KDM2B: variants seen among roughly 807,000 people sequenced by gnomAD.
KDM2B encodes the protein lysine-specific demethylase 2B.
In KDM2B, 26 loss-of-function variants were observed where a neutral mutation model predicts 150.0. The ratio of observed to expected loss-of-function variants is 0.17; its 90% CI spans 0.13 to 0.24. The LOEUF is 0.24. KDM2B is among the 10% of genes least tolerant of loss of function. KDM2B has a pLI of 1.00. For synonymous variants in KDM2B, 734 were observed against 729.5 expected (o/e 1.01, Z -0.10); for missense variants, 1,265 against 1,816.9 (o/e 0.70, Z 5.52).
At chr12:121,524,659 G>C (rs879986758) in intron 8 of KDM2B, 2 of 450,732 alleles carry the variant, frequency 4.4e-6, no homozygotes, top group Admixed American at 2.4e-5. Flanking sequence ...AACAGCGTTT[G>C]TGGGCCCCAT....
rs189160420 is a variant in KDM2B, at chr12:121,530,991, G to A, written c.931+1815C>T. Among the ~76,000 whole-genome samples the A allele has an allele frequency of 2.7e-4, 41 of 152,198 alleles. 1 individual carries two copies. In the East Asian group the frequency reaches 6.6e-3, roughly 24 times the overall value. On this transcript the variant is annotated intron_variant, in intron 8 of 22. Coordinates refer to ENST00000377071, the MANE Select transcript of KDM2B (RefSeq NM_032590.5). ...CAGAGAGAGGAAGAGACCAGCTAAC[G>A]TCACAGAGTCAGCAGCAAGGCCAAG...
chr12:121,421,342 G>A, the KDM2B span, among the ~76,000 whole-genome samples: 1 of 128,462 alleles, frequency 7.8e-6, no homozygotes, highest in Non-Finnish European at 1.6e-5. Flanking sequence ...TTTGAGACCA[G>A]CCTGGGCAAC....
At chr12:121,420,583 G>A in the KDM2B span, 30 of 1,613,882 alleles carry the variant, frequency 1.9e-5, no homozygotes, top group Admixed American at 5.0e-5. Flanking sequence ...TCAGAACCCC[G>A]GGCTCTCCAA....
intron 10 of KDM2B, among the ~76,000 whole-genome samples, chr12:121,512,363 A>C (rs530780743): frequency 6.6e-6 from 1 of 152,224 alleles, no homozygotes; most frequent in East Asian, 1.9e-4. Context: ...CCAGCCTGGA[A>C]ACCCTGAACG....
At chr12:121,508,613 A>G (rs77065982) in intron 11 of KDM2B, among the ~76,000 whole-genome samples, 3,885 of 152,264 alleles carry the variant, frequency 0.026, 150 homozygotes, top group African/African-American at 0.089. Context: ...AAGCCTTACT[A>G]ATGCTGAGAC....
chr12:121,445,431 G>A lies in KDM2B; in HGVS notation c.1960-13C>T. ...GGGGCAGCACTGGCTGAGGAGCCAG[G>A]GAGAACAAGACAAGTCATCAGGGGT... On this transcript the variant is annotated splice_polypyrimidine_tract_variant and intron_variant, in intron 13 of 22. Transcript: ENST00000377071. The A allele has an allele frequency of 1.3e-6, 2 of 1,581,514 alleles. No individual in the cohort carries two copies. The highest frequency in any genetic ancestry group is 1.1e-5 in the South Asian group (1 of 87,614).
intron 2 of KDM2B, among the ~76,000 whole-genome samples, chr12:121,576,612 A>G (rs1891511171): frequency 6.6e-6 from 1 of 152,140 alleles, no homozygotes; most frequent in Non-Finnish European, 1.5e-5. Flanking sequence ...TTTCTAGTAC[A>G]GTCCCCAAAT....
rs528728751 is a variant in KDM2B, at chr12:121,432,038, G to A, written c.3830-1569C>T. Among the ~76,000 whole-genome samples the A allele has an allele frequency of 3.3e-5, 5 of 151,872 alleles. No individual in the cohort carries two copies. The East Asian group carries it at 5.8e-4, about 18-fold the overall frequency. On this transcript the variant is annotated intron_variant, in intron 22 of 22. Transcript: ENST00000377071. ...TGGGATTACAGGTGCCGGCCACCAC[G>A]CCTGGCTAATTTTTTTAATTTTTAG...
intron 8 of KDM2B, chr12:121,524,776 G>C (rs1555306536): frequency 2.4e-6 from 1 of 424,566 alleles, no homozygotes; most frequent in East Asian, 7.3e-5. Flanking sequence ...CCTGCTTCCA[G>C]CCAGAGTCAT....
chr12:121,566,157 A>G (rs1202513764), intron 4 of KDM2B, among the ~76,000 whole-genome samples: 9 of 152,194 alleles, frequency 5.9e-5, no homozygotes, highest in Admixed American at 2.0e-4. Flanking sequence ...TACAAAAAGA[A>G]TTAATGCAAC....
intron 12 of KDM2B, among the ~76,000 whole-genome samples, chr12:121,482,844 C>T (rs1215806113): frequency 2.0e-5 from 3 of 152,076 alleles, no homozygotes; most frequent in African/African-American, 4.8e-5. Flanking sequence ...GAGCAGTTTG[C>T]GTTGACAGGA....
At chr12:121,504,067 G>GT (rs782816832) in intron 11 of KDM2B, among the ~76,000 whole-genome samples, 9 of 152,166 alleles carry the variant, frequency 5.9e-5, no homozygotes, top group Non-Finnish European at 1.0e-4. Flanking sequence ...TTCCATCACA[G>GT]TAAGTGTCTA....
At chr12:121,457,869 C>T (rs1555293127) in intron 12 of KDM2B, among the ~76,000 whole-genome samples, 1 of 152,086 alleles carries the variant, frequency 6.6e-6, no homozygotes, top group African/African-American at 2.4e-5. Context: ...ATTCATCCCA[C>T]CAATATTTGA....
Position 121,509,832 on chromosome 12 carries a change from G to C in KDM2B, c.1382C>G (p.Pro461Arg). 6.2e-7 allele frequency: 1 copy of C among 1,614,014 alleles called. No homozygotes were observed. ...SEDQEALGKK[P>R]KAPALRFLKR... ...GAGGAATCGCAGGGCAGGTGCTTTG[G>C]GCTTCTTCCCGAGGGCCTCCTGGTC... Residue 461 changes from proline to arginine, a missense_variant, in exon 11 of 23, where the codon CCC becomes CGC. Around this residue, in one of 11 missense-constraint regions of KDM2B, gnomAD observed 154 missense variants for 162.5 expected, o/e 0.95. Coordinates refer to ENST00000377071, the MANE Select transcript of KDM2B (RefSeq NM_032590.5).
At chr12:121,552,389 C>T (rs1365392516) in intron 4 of KDM2B, among the ~76,000 whole-genome samples, 3 of 152,118 alleles carry the variant, frequency 2.0e-5, no homozygotes, top group Non-Finnish European at 4.4e-5. Context: ...GACCCCAGAC[C>T]TGGCCAAGTG....
chr12:121,420,882 G>A, the KDM2B span: 7 of 848,608 alleles, frequency 8.2e-6, no homozygotes, highest in East Asian at 5.1e-5. Context: ...TGAGAAAGCT[G>A]TGTACCATTT....
chr12:121,504,202 A>G (rs1421409501), intron 11 of KDM2B, among the ~76,000 whole-genome samples: 3 of 152,186 alleles, frequency 2.0e-5, no homozygotes, highest in Non-Finnish European at 4.4e-5. Context: ...TCTCCCAGGT[A>G]GAGGTGCACA....
intron 12 of KDM2B, among the ~76,000 whole-genome samples, chr12:121,488,486 G>A (rs1041033350): frequency 6.6e-6 from 1 of 152,214 alleles, no homozygotes; most frequent in Admixed American, 6.5e-5. Flanking sequence ...AACTGAGGCT[G>A]AGACTTGCCC....
chr12:121,494,517 C>T, intron 12 of KDM2B, 62 bp downstream of exon 12: 1 of 1,346,966 alleles, frequency 7.4e-7, no homozygotes, highest in Non-Finnish European at 1.1e-6. Context: ...CGGCTGTTCA[C>T]CCTACAGGAG....
Sources: gnomAD v4.1 joint callset for allele counts (sites outside exome capture counted in the v4.1 genomes callset) on GRCh38, gnomAD v4.1.1 for gene constraint, gnomAD v4.1.1 regional missense constraint, MANE v1.5 for transcripts, NCBI Gene and HGNC (gene_info 2026-07-23, HGNC 2026-07-21) for gene names.